The following TRIM44 variants were observed in gnomAD, a reference collection of about 807,000 sequenced individuals.
The protein encoded by TRIM44 is tripartite motif-containing protein 44.
In TRIM44, 13 loss-of-function variants were observed where a neutral mutation model predicts 37.4. The ratio of observed to expected loss-of-function variants is 0.35; its 90% CI spans 0.23 to 0.55. The LOEUF is 0.55. TRIM44 is among the 20% of genes least tolerant of loss of function. The probability of loss-of-function intolerance (pLI) is 0.89; values close to 1 mark genes in which losing one functional copy is unlikely to be tolerated. For missense variants in TRIM44, 426 were observed against 437.2 expected (o/e 0.97, Z 0.23); for synonymous variants, 175 against 157.2 (o/e 1.11, Z -0.85).
chr11:35,735,005 T>A (rs1488071560), intron 3 of TRIM44, among the ~76,000 whole-genome samples: 1 of 152,202 alleles, frequency 6.6e-6, no homozygotes, highest in Non-Finnish European at 1.5e-5. Flanking sequence ...TCATGTTTGA[T>A]GAAAAATGCT....
intron 4 of TRIM44, among the ~76,000 whole-genome samples, chr11:35,755,188 A>T (rs1852618872): frequency 1.3e-5 from 2 of 152,288 alleles, no homozygotes; most frequent in South Asian, 4.1e-4. Flanking sequence ...CTTTTTAATG[A>T]TCACCAGTCT....
Position 35,663,605 on chromosome 11 carries a change from C to T in TRIM44, c.494C>T (p.Pro165Leu). The T allele has an allele frequency of 1.9e-6, 3 of 1,614,016 alleles. No homozygotes were observed. The highest frequency in any genetic ancestry group is 1.7e-6 in the Non-Finnish European group (2 of 1,180,012). Reference protein sequence around the residue: ...GETEAESEFDPEIEMEAERVA... With the variant: ...GETEAESEFDLEIEMEAERVA... ...ACTGAGGCAGAAAGTGAATTTGACC[C>T]AGAAATAGAAATGGAAGCAGAGAGA... Residue 165 changes from proline (P) to leucine (L), a missense_variant, in exon 1 of 5, where the codon CCA (proline) becomes CTA (leucine). Transcript: ENST00000299413.
intron 4 of TRIM44, among the ~76,000 whole-genome samples, chr11:35,769,161 G>A (rs1049007469): frequency 1.3e-5 from 2 of 152,088 alleles, no homozygotes; most frequent in Non-Finnish European, 1.5e-5. Flanking sequence ...TACCTGTCAG[G>A]CTCAGTAAGC....
intron 4 of TRIM44, among the ~76,000 whole-genome samples, chr11:35,792,302 T>G (rs1001390907): frequency 2.0e-5 from 3 of 152,216 alleles, no homozygotes; most frequent in African/African-American, 4.8e-5. Flanking sequence ...AATAAATACT[T>G]GTTCACTGAA....
intron 1 of TRIM44, among the ~76,000 whole-genome samples, chr11:35,672,403 T>G (rs928581112): frequency 3.3e-5 from 5 of 152,208 alleles, no homozygotes; most frequent in Non-Finnish European, 5.9e-5. Context: ...ACTCGTCTAG[T>G]GTACCCCAAG....
intron 2 of TRIM44, 61 bp from the exon 3 acceptor site, chr11:35,725,863 C>G (rs1386812703): frequency 1.3e-6 from 2 of 1,583,756 alleles, no homozygotes; most frequent in East Asian, 4.5e-5. Flanking sequence ...ATAGTAATAA[C>G]TCTGCCCTTT....
intron 4 of TRIM44, among the ~76,000 whole-genome samples, chr11:35,773,517 A>G (rs1852904295): frequency 6.6e-6 from 1 of 152,124 alleles, no homozygotes; most frequent in Non-Finnish European, 1.5e-5. Flanking sequence ...ACATGTGCAT[A>G]AGGTACAGGT....
At chr11:35,680,664 T>A (rs1336195260) in intron 1 of TRIM44, among the ~76,000 whole-genome samples, 4 of 152,190 alleles carry the variant, frequency 2.6e-5, no homozygotes, top group Non-Finnish European at 5.9e-5. Flanking sequence ...ACACAGGTGC[T>A]AGTCTTCCTC....
intron 2 of TRIM44, among the ~76,000 whole-genome samples, chr11:35,724,551 A>AAAT (rs1354305249): frequency 6.6e-6 from 1 of 152,222 alleles, no homozygotes; most frequent in Non-Finnish European, 1.5e-5. Context: ...AGTTGTTTTA[A>AAAT]AATAATCATA....
intron 4 of TRIM44, among the ~76,000 whole-genome samples, chr11:35,744,622 G>A (rs181658817): frequency 6.6e-6 from 1 of 152,030 alleles, no homozygotes; most frequent in Admixed American, 6.5e-5. Flanking sequence ...TGTTACATAG[G>A]TAAACGTGTG....
intron 1 of TRIM44, among the ~76,000 whole-genome samples, chr11:35,675,504 C>G (rs920538924): frequency 1.3e-5 from 2 of 152,092 alleles, no homozygotes; most frequent in Non-Finnish European, 2.9e-5. Flanking sequence ...GGTCCAAGTT[C>G]CAGAATGACA....
intron 4 of TRIM44, among the ~76,000 whole-genome samples, chr11:35,770,001 A>T (rs781067686): frequency 2.9e-4 from 44 of 152,092 alleles, no homozygotes; most frequent in Non-Finnish European, 5.0e-4. Context: ...GGTACAATTG[A>T]TCCTATCACC....
At chr11:35,726,227 T>G (rs1852173665) in intron 3 of TRIM44, 64 bp downstream of exon 3, 5 of 1,587,146 alleles carry the variant, frequency 3.2e-6, no homozygotes, top group Non-Finnish European at 4.3e-6. Flanking sequence ...GCCATATTTG[T>G]TAGACCCCAT....
chr11:35,799,473 A>G (rs1220028892), intron 4 of TRIM44, among the ~76,000 whole-genome samples: 1 of 152,018 alleles, frequency 6.6e-6, no homozygotes, highest in African/African-American at 2.4e-5. Flanking sequence ...GCATTTTTTC[A>G]TCTTAAAAAA....
intron 2 of TRIM44, among the ~76,000 whole-genome samples, chr11:35,714,326 A>G (rs768783820): frequency 1.3e-5 from 2 of 152,136 alleles, no homozygotes; most frequent in African/African-American, 4.8e-5. Flanking sequence ...AAAAATATCT[A>G]TGAGAATGTT....
intron 2 of TRIM44, among the ~76,000 whole-genome samples, chr11:35,702,231 A>T (rs1314267487): frequency 6.6e-6 from 1 of 152,186 alleles, no homozygotes; most frequent in African/African-American, 2.4e-5. Flanking sequence ...TTTAACCAAG[A>T]AGGACTTTAC....
chr11:35,813,726 C>CA lies in TRIM44; in HGVS notation c.*7346dup, dbSNP rs1358047659. On this transcript the variant is annotated 3_prime_UTR_variant, in exon 5 of 5. Coordinates refer to ENST00000299413, the MANE Select transcript of TRIM44 (RefSeq NM_017583.6). ...ACATAAAAAAACTATGCTTAGAAGACAAAAATATGTATATCAAACATTTTA... is the reference window on the plus strand; with the variant it reads ...ACATAAAAAAACTATGCTTAGAAGACAAAAAATATGTATATCAAACATTTTA... 1.3e-5 allele frequency: 2 copies of CA among 151,164 alleles called. No individual in the cohort carries two copies. Among genetic ancestry groups the CA allele is most frequent in the Non-Finnish European group, 2.9e-5 (2 of 67,840 alleles). The allele number at this position is 151,164 out of a possible 1,614,324, so 9.4% of individuals were successfully genotyped here.
chr11:35,735,371 CTCTG>C lies in TRIM44; in HGVS notation c.988-49_988-46del, dbSNP rs929936020. ...GGGGAGGGAAAAGAAAGAAATCTGA[CTCTG>C]TCTGTACCAACAGTGATTTCTAATA... On this transcript the variant is annotated intron_variant, in intron 3 of 4. Transcript: ENST00000299413. 82 of 1,595,182 alleles carry C rather than the reference CTCTG, an allele frequency of 5.1e-5. No homozygotes were observed. In the African/African-American group the frequency reaches 9.9e-4, roughly 19 times the overall value.
At chr11:35,666,021 CT>C (rs1017231254) in intron 1 of TRIM44, among the ~76,000 whole-genome samples, 1 of 151,920 alleles carries the variant, frequency 6.6e-6, no homozygotes, top group Non-Finnish European at 1.5e-5. Context: ...CTTATCAATA[CT>C]TTTCCTTATG....
Sources: allele counts gnomAD v4.1 joint callset (sites outside exome capture counted in the v4.1 genomes callset), GRCh38; gene constraint gnomAD v4.1.1; transcripts MANE v1.5; gene names NCBI Gene and HGNC (gene_info 2026-07-23, HGNC 2026-07-21).